The following PID1 variants were observed in gnomAD, a reference collection of about 807,000 sequenced individuals.
PID1 encodes the protein phosphotyrosine interaction domain containing 1.
PID1 carries 10 observed loss-of-function variants against 19.1 expected under a neutral mutation model. That is an observed-to-expected ratio of 0.52 (90% confidence interval 0.32 to 0.89). The LOEUF is 0.89. Ranked by LOEUF, PID1 falls within the 40% of genes least tolerant of loss-of-function variation. The pLI is 0.03. For missense variants in PID1, 248 were observed against 285.3 expected, an observed-to-expected ratio of 0.87 and a Z score of 0.94; for synonymous variants, 130 against 116.0, an observed-to-expected ratio of 1.12 and a Z score of -0.78.
At chr2:229,037,694 C>T (rs1693692809) in intron 2 of PID1, among the ~76,000 whole-genome samples, 1 of 152,132 alleles carries the variant, frequency 6.6e-6, no homozygotes. Flanking sequence ...GTGAGCTGGA[C>T]TTAGGATGAT....
At chr2:229,088,579 TCA>T (rs1214329487) in intron 2 of PID1, among the ~76,000 whole-genome samples, 9 of 152,106 alleles carry the variant, frequency 5.9e-5, no homozygotes, top group Admixed American at 5.9e-4. Context: ...TTCTCAACCT[TCA>T]GTCATTAGAG....
intron 2 of PID1, among the ~76,000 whole-genome samples, chr2:229,123,883 A>T (rs1247041061): frequency 6.6e-6 from 1 of 152,132 alleles, no homozygotes; most frequent in Non-Finnish European, 1.5e-5. Context: ...TTCAGTTGTA[A>T]GATTTCCTTA....
At chr2:229,101,229 T>A (rs148779883) in intron 2 of PID1, among the ~76,000 whole-genome samples, 18 of 152,244 alleles carry the variant, frequency 1.2e-4, no homozygotes, top group African/African-American at 4.1e-4. Flanking sequence ...ATTTTTTTTT[T>A]AATCTTTTTA....
chr2:229,044,963 T>A (rs1296319882), intron 2 of PID1, among the ~76,000 whole-genome samples: 1 of 148,622 alleles, frequency 6.7e-6, no homozygotes, highest in Non-Finnish European at 1.5e-5. Flanking sequence ...TTCAGGGTAG[T>A]TTTTTTTTTA....
rs930450336 is a variant in PID1 at position 229,122,255 on chromosome 2, T to C, written c.177+33563A>G. 2.3e-4 allele frequency among the ~76,000 whole-genome samples: 35 copies of C among 152,288 alleles called. 1 individual carries two copies. In the Middle Eastern group the frequency reaches 0.014, roughly 59 times the overall value. On this transcript the variant is annotated intron_variant, in intron 2 of 2. Coordinates refer to ENST00000392055, the MANE Select transcript of PID1 (RefSeq NM_001100818.2). ...AAGATGGTTTTTACACCATTAACAA[T>C]AGATTCAACAAAAATGTATTATGTG...
chr2:229,149,901 C>T (rs541647831), intron 2 of PID1, among the ~76,000 whole-genome samples: 2 of 152,166 alleles, frequency 1.3e-5, no homozygotes, highest in South Asian at 4.2e-4. Context: ...TGGACACCTT[C>T]AATCTAGGCT....
At chr2:229,132,278 C>T (rs1689758964) in intron 2 of PID1, among the ~76,000 whole-genome samples, 1 of 152,180 alleles carries the variant, frequency 6.6e-6, no homozygotes, top group African/African-American at 2.4e-5. Flanking sequence ...CCATGTGTGA[C>T]ATCAGGAAGA....
At chr2:229,079,304 T>C (rs1477674030) in intron 2 of PID1, among the ~76,000 whole-genome samples, 1 of 152,232 alleles carries the variant, frequency 6.6e-6, no homozygotes. Flanking sequence ...ATTCAAAATA[T>C]TTATTCATTG....
intron 2 of PID1, among the ~76,000 whole-genome samples, chr2:229,040,120 G>GA (rs59973595): frequency 0.098 from 12,780 of 130,136 alleles, 659 homozygotes; most frequent in Non-Finnish European, 0.12. Context: ...TTGTTATGTG[G>GA]AAAAAAAAAA....
At chr2:229,239,610 A>G (rs1020379167) in intron 1 of PID1, among the ~76,000 whole-genome samples, 1 of 152,146 alleles carries the variant, frequency 6.6e-6, no homozygotes, top group Non-Finnish European at 1.5e-5. Flanking sequence ...AAATTTCACA[A>G]TAAACCTTTT....
At chr2:229,269,281 C>G (rs186021852) in intron 1 of PID1, among the ~76,000 whole-genome samples, 13 of 152,218 alleles carry the variant, frequency 8.5e-5, no homozygotes, top group African/African-American at 3.1e-4. Context: ...ACCAGGCTCA[C>G]GCCAAAATGC....
chr2:229,078,030 T>C (rs1694595324), intron 2 of PID1, among the ~76,000 whole-genome samples: 1 of 152,210 alleles, frequency 6.6e-6, no homozygotes, highest in Non-Finnish European at 1.5e-5. Context: ...TGAAGGAGCA[T>C]GTGCATGGAA....
intron 1 of PID1, among the ~76,000 whole-genome samples, chr2:229,241,791 G>A (rs1416152963): frequency 6.6e-6 from 1 of 152,158 alleles, no homozygotes; most frequent in East Asian, 1.9e-4. Context: ...TTTTTCACCT[G>A]CTTTCTTACA....
chr2:229,265,226 G>A (rs1319414784), intron 1 of PID1, among the ~76,000 whole-genome samples: 1 of 152,066 alleles, frequency 6.6e-6, no homozygotes, highest in African/African-American at 2.4e-5. Context: ...ATCAAAGTAA[G>A]AACTCGGTTG....
intron 1 of PID1, among the ~76,000 whole-genome samples, chr2:229,161,593 A>G (rs907709826): frequency 6.6e-6 from 1 of 152,222 alleles, no homozygotes; most frequent in African/African-American, 2.4e-5. Context: ...TCTCTTTTTT[A>G]AAAAAGTGAA....
intron 2 of PID1, among the ~76,000 whole-genome samples, chr2:229,102,256 C>T (rs1695087186): frequency 1.3e-5 from 2 of 151,556 alleles, no homozygotes; most frequent in South Asian, 2.1e-4. Context: ...CTATGTAGAA[C>T]ACTATATAGA....
intron 1 of PID1, among the ~76,000 whole-genome samples, chr2:229,250,469 C>T (rs901739821): frequency 2.0e-5 from 3 of 152,162 alleles, no homozygotes; most frequent in Non-Finnish European, 4.4e-5. Context: ...CACCAAACCA[C>T]AGGAAAAAAG....
At chr2:229,074,939 T>A (rs1694528175) in intron 2 of PID1, among the ~76,000 whole-genome samples, 2 of 152,216 alleles carry the variant, frequency 1.3e-5, no homozygotes, top group Admixed American at 1.3e-4. Flanking sequence ...GTGTAGAATT[T>A]GTAGTTATGT....
chr2:229,079,075 A>G (rs1284662516), intron 2 of PID1, among the ~76,000 whole-genome samples: 1 of 152,242 alleles, frequency 6.6e-6, no homozygotes, highest in African/African-American at 2.4e-5. Context: ...GGGAGGAAAT[A>G]AATTGAAAAA....
Sources: allele counts gnomAD v4.1 joint callset (sites outside exome capture counted in the v4.1 genomes callset), GRCh38; gene constraint gnomAD v4.1.1; transcripts MANE v1.5; gene names NCBI Gene and HGNC (gene_info 2026-07-23, HGNC 2026-07-21).